Variants in UBR3 observed in about 807,000 individuals in gnomAD.
The protein encoded by UBR3 is E3 ubiquitin-protein ligase UBR3.
UBR3 carries 85 observed loss-of-function variants against 243.2 expected under a neutral mutation model. The observed-to-expected ratio is 0.35, with a 90% CI of 0.29 to 0.42. UBR3 has a LOEUF of 0.42. UBR3 is among the 10% of genes least tolerant of loss of function. The pLI is 1.00. For missense variants in UBR3, 1,686 were observed against 2,300.8 expected (o/e 0.73, Z 5.47); for synonymous variants, 748 against 799.8 (o/e 0.94, Z 1.09).
intron 35 of UBR3, among the ~76,000 whole-genome samples, chr2:170,071,914 A>G (rs1025123424): frequency 2.0e-4 from 31 of 152,284 alleles, no homozygotes; most frequent in Non-Finnish European, 4.6e-4. Context: ...TTAAAAAGTC[A>G]GGAAACAACA....
intron 31 of UBR3, among the ~76,000 whole-genome samples, chr2:170,034,746 CA>C (rs1366400824): frequency 1.3e-5 from 2 of 152,072 alleles, no homozygotes; most frequent in Admixed American, 6.6e-5. Context: ...GAGAAACCAC[CA>C]AACTGTTTTC....
intron 25 of UBR3, among the ~76,000 whole-genome samples, chr2:169,994,114 T>A (rs2089396369): frequency 6.6e-6 from 1 of 152,224 alleles, no homozygotes; most frequent in Non-Finnish European, 1.5e-5. Flanking sequence ...TAGTTCAGTG[T>A]TAATTTTTTA....
At position 169,840,401 on chromosome 2, in the gene UBR3, C is replaced by T. The variant is rs150483316; in HGVS notation, c.545+12349C>T. Among the ~76,000 whole-genome samples the T allele has an allele frequency of 7.8e-3, 1,184 of 152,310 alleles. 13 individuals are homozygous for T. The highest frequency in any genetic ancestry group is 0.026 in the African/African-American group (1,071 of 41,564). ...GGTATCTGACCGAGATGTCGGTGCT[C>T]CTGCTCTGACACAAGGCTCCTCCGG... On this transcript the variant is annotated intron_variant, in intron 1 of 38. Coordinates refer to ENST00000272793, the MANE Select transcript of UBR3 (RefSeq NM_172070.4).
chr2:169,882,249 T>C (rs1263708522), intron 5 of UBR3, among the ~76,000 whole-genome samples: 2 of 135,614 alleles, frequency 1.5e-5, no homozygotes, highest in African/African-American at 5.5e-5. Context: ...ATTGTATATG[T>C]ATATATATTT....
intron 33 of UBR3, among the ~76,000 whole-genome samples, chr2:170,060,580 C>A (rs2091437419): frequency 1.3e-5 from 2 of 151,962 alleles, no homozygotes; most frequent in South Asian, 4.2e-4. Context: ...AAATTTGGCT[C>A]TTTTCACATT....
chr2:169,988,677 C>T (rs1223799655), intron 25 of UBR3, among the ~76,000 whole-genome samples: 1 of 152,046 alleles, frequency 6.6e-6, no homozygotes, highest in East Asian at 1.9e-4. Context: ...TGATGTGCAC[C>T]TGTGGTCCCA....
rs745989407 is a variant in UBR3 at position 170,008,836 on chromosome 2, T to A, written c.4263T>A (p.Ser1421=). 2 of 1,455,492 alleles carry A rather than the reference T, an allele frequency of 1.4e-6. No homozygotes were observed. Among genetic ancestry groups the A allele is most frequent in the East Asian group, 4.6e-5 (2 of 43,752 alleles). The allele number at this position is 1,455,492 out of a possible 1,614,324, so 90.2% of individuals were successfully genotyped here. ...SETNLSKEME[S]VMKDIKNTTQ... ...CAAATTTAAGTAAAGAAATGGAATC[T>A]GTAATGAAAGATATAAAAAATACCA... Residue 1421 remains serine, a synonymous_variant, in exon 29 of 39, where the codon TCT becomes TCA. Coordinates refer to ENST00000272793, the MANE Select transcript of UBR3 (RefSeq NM_172070.4).
chr2:170,070,667 T>C (rs2091678769), intron 35 of UBR3, among the ~76,000 whole-genome samples: 1 of 152,152 alleles, frequency 6.6e-6, no homozygotes, highest in Non-Finnish European at 1.5e-5. Flanking sequence ...AATTTCACTG[T>C]ATTTCTATAC....
At chr2:169,936,308 C>T (rs2086326931) in intron 19 of UBR3, among the ~76,000 whole-genome samples, 1 of 152,178 alleles carries the variant, frequency 6.6e-6, no homozygotes, top group African/African-American at 2.4e-5. Context: ...ATCCGCCCAC[C>T]TTGGCCTCCC....
At chr2:170,029,289 T>C in intron 30 of UBR3, 57 bp from the exon 31 acceptor site, 1 of 1,412,386 alleles carries the variant, frequency 7.1e-7, no homozygotes, top group Non-Finnish European at 9.7e-7. Flanking sequence ...TTTGTCTGAA[T>C]TTTGTTCTGT....
chr2:169,985,151 A>G (rs148746272), intron 24 of UBR3, among the ~76,000 whole-genome samples: 1,767 of 150,150 alleles, frequency 0.012, 49 homozygotes, highest in African/African-American at 0.04. Flanking sequence ...AGAGCAGACA[A>G]TTTCTTTTTT....
intron 5 of UBR3, among the ~76,000 whole-genome samples, chr2:169,885,831 T>C (rs1445438949): frequency 6.6e-6 from 1 of 151,938 alleles, no homozygotes; most frequent in Non-Finnish European, 1.5e-5. Flanking sequence ...ACAGTTGAAA[T>C]AAAAAATCAG....
intron 23 of UBR3, among the ~76,000 whole-genome samples, chr2:169,955,376 T>C (rs959848512): frequency 9.2e-5 from 14 of 152,290 alleles, no homozygotes; most frequent in African/African-American, 2.9e-4. Flanking sequence ...ATGCTTGTTA[T>C]TAATTTTGGT....
intron 24 of UBR3, among the ~76,000 whole-genome samples, chr2:169,978,461 G>GGTAAACAACAGGTA (rs988564019): frequency 2.6e-5 from 4 of 152,108 alleles, no homozygotes; most frequent in African/African-American, 9.7e-5. Context: ...TACCCCGGGG[G>GGTAAACAACAGGTA]AACAGGTCAC....
intron 24 of UBR3, 37 bp from the exon 25 acceptor site, chr2:169,986,608 C>T (rs142003571): frequency 1.9e-6 from 3 of 1,567,932 alleles, no homozygotes; most frequent in African/African-American, 2.7e-5. Flanking sequence ...AGATTTTCCT[C>T]CTAAGGAATT....
At chr2:169,949,193 T>C (rs2105361094) in intron 22 of UBR3, among the ~76,000 whole-genome samples, 1 of 152,170 alleles carries the variant, frequency 6.6e-6, no homozygotes, top group African/African-American at 2.4e-5. Flanking sequence ...AACTAATTTA[T>C]AATTTTCTTA....
At chr2:169,994,774 A>T (rs963521782) in intron 26 of UBR3, among the ~76,000 whole-genome samples, 4 of 152,228 alleles carry the variant, frequency 2.6e-5, no homozygotes, top group African/African-American at 4.8e-5. Context: ...AGAAAAAAAT[A>T]AATTCCCTAC....
intron 13 of UBR3, among the ~76,000 whole-genome samples, chr2:169,924,816 C>T (rs1216740805): frequency 5.3e-5 from 8 of 152,218 alleles, no homozygotes; most frequent in South Asian, 4.1e-4. Flanking sequence ...GGGCAGATCA[C>T]GAGGTCAAGA....
chr2:169,890,540 G>GAGAGAGAGAGAGAGATATATATAT (rs1553504401), intron 5 of UBR3, among the ~76,000 whole-genome samples: 1 of 75,996 alleles, frequency 1.3e-5, no homozygotes, highest in African/African-American at 6.4e-5. Flanking sequence ...GAGAGAGAGA[G>GAGAGAGAGAGAGAGATATATATAT]ATATATATAT....
Sources: allele counts gnomAD v4.1 joint callset (sites outside exome capture counted in the v4.1 genomes callset), GRCh38; gene constraint gnomAD v4.1.1; transcripts MANE v1.5; gene names NCBI Gene and HGNC (gene_info 2026-07-23, HGNC 2026-07-21).